The following NKAIN2 variants were observed in gnomAD, a reference collection of about 807,000 sequenced individuals.
NKAIN2 encodes the protein sodium/potassium transporting ATPase interacting 2.
In NKAIN2, 14 loss-of-function variants were observed where a neutral mutation model predicts 32.6. That is an observed-to-expected ratio of 0.43 (90% CI 0.28 to 0.67). NKAIN2 has a LOEUF of 0.67. Ranked by LOEUF, NKAIN2 falls within the 30% of genes least tolerant of loss-of-function variation. NKAIN2 has a pLI of 0.17. For synonymous variants in NKAIN2, 80 were observed against 87.2 expected, an observed-to-expected ratio of 0.92 and a Z score of 0.46; for missense variants, 198 against 258.3, an observed-to-expected ratio of 0.77 and a Z score of 1.60.
At chr6:123,912,468 C>A (rs1582765948) in intron 1 of NKAIN2, among the ~76,000 whole-genome samples, 1 of 152,192 alleles carries the variant, frequency 6.6e-6, no homozygotes. Context: ...ATTTGCTTTA[C>A]TTCAAATTAG....
At chr6:124,109,344 G>A (rs1013575128) in intron 1 of NKAIN2, among the ~76,000 whole-genome samples, 1 of 151,780 alleles carries the variant, frequency 6.6e-6, no homozygotes, top group Non-Finnish European at 1.5e-5. Flanking sequence ...TTTTCAGATA[G>A]TTTTTTGCTA....
intron 1 of NKAIN2, among the ~76,000 whole-genome samples, chr6:123,934,372 A>G (rs1404102905): frequency 6.6e-6 from 1 of 152,080 alleles, no homozygotes; most frequent in African/African-American, 2.4e-5. Flanking sequence ...GAATTATGCT[A>G]TCATTTCTCT....
intron 3 of NKAIN2, among the ~76,000 whole-genome samples, chr6:124,388,159 T>A (rs1772990419): frequency 6.6e-6 from 1 of 151,422 alleles, no homozygotes. Context: ...CTTCCACATT[T>A]TTTAACCTGA....
intron 3 of NKAIN2, among the ~76,000 whole-genome samples, chr6:124,436,800 G>T (rs1257183017): frequency 6.6e-6 from 1 of 152,124 alleles, no homozygotes; most frequent in African/African-American, 2.4e-5. Context: ...TTCTTTGAAA[G>T]TTTAAGCCAG....
intron 1 of NKAIN2, among the ~76,000 whole-genome samples, chr6:124,160,158 T>C (rs973144842): frequency 3.3e-5 from 5 of 152,096 alleles, no homozygotes; most frequent in Admixed American, 1.3e-4. Flanking sequence ...ATCTGTTCAA[T>C]TGGGTGAGGC....
At chr6:123,977,465 T>A (rs1373098061) in intron 1 of NKAIN2, among the ~76,000 whole-genome samples, 1 of 152,158 alleles carries the variant, frequency 6.6e-6, no homozygotes, top group Non-Finnish European at 1.5e-5. Flanking sequence ...AAGGTTTGAT[T>A]AAAATGTAAA....
chr6:124,754,166 C>A (rs1408657260), intron 4 of NKAIN2, among the ~76,000 whole-genome samples: 1 of 151,970 alleles, frequency 6.6e-6, no homozygotes, highest in Non-Finnish European at 1.5e-5. Context: ...GAGACTCTTA[C>A]CTGAGAACCT....
chr6:124,805,358 C>T lies in NKAIN2; in HGVS notation c.536-13029C>T, dbSNP rs555922156. The stretch of plus-strand genomic sequence containing the variant: ...CAAAAAACCACTGTTCTGCAGACAC[C>T]GCTGCTGACACCCAGGCAAACAGGG... On this transcript the variant is annotated intron_variant, in intron 5 of 6. Transcript: ENST00000368417. 3.2e-3 allele frequency among the ~76,000 whole-genome samples: 485 copies of T among 152,280 alleles called. 1 individual carries two copies. Among genetic ancestry groups the T allele is most frequent in the Middle Eastern group, 6.8e-3 (2 of 294 alleles).
Position 124,216,210 on chromosome 6 carries a change from C to T in NKAIN2, c.55-66795C>T, listed in dbSNP as rs1342222762. ...GAATGGGAGTATTTAGAAATATGTG[C>T]GAGGATTTCAAAAAATTAAGGTTTG... On this transcript the variant is annotated intron_variant, in intron 1 of 6. Transcript: ENST00000368417. 4.0e-5 allele frequency among the ~76,000 whole-genome samples: 6 copies of T among 151,388 alleles called. No individual in the cohort carries two copies. In the South Asian group the frequency reaches 6.3e-4, roughly 16 times the overall value.
At chr6:124,418,972 C>T (rs1774624112) in intron 3 of NKAIN2, among the ~76,000 whole-genome samples, 1 of 152,010 alleles carries the variant, frequency 6.6e-6, no homozygotes, top group Non-Finnish European at 1.5e-5. Flanking sequence ...ATATTTTTGG[C>T]CTAAGAAGGG....
At chr6:124,547,598 T>C (rs1780141802) in intron 3 of NKAIN2, among the ~76,000 whole-genome samples, 1 of 152,218 alleles carries the variant, frequency 6.6e-6, no homozygotes, top group Non-Finnish European at 1.5e-5. Flanking sequence ...AAAACTGACA[T>C]TTGAAATCAC....
rs563868383 is a variant in NKAIN2 at position 123,959,052 on chromosome 6, G to A, written c.54+154798G>A. 1.1e-3 allele frequency among the ~76,000 whole-genome samples: 163 copies of A among 152,270 alleles called. 1 individual carries two copies. Among genetic ancestry groups the A allele is most frequent in the African/African-American group, 3.7e-3 (154 of 41,568 alleles). ...CAAGTTATCAGTGTGAGTATTTGGC[G>A]GCTAAGGACCGGGAGAAGATGACAG... is the stretch of plus-strand genomic sequence containing the variant. On this transcript the variant is annotated intron_variant, in intron 1 of 6. Coordinates refer to ENST00000368417, the MANE Select transcript of NKAIN2 (RefSeq NM_001040214.3).
intron 1 of NKAIN2, among the ~76,000 whole-genome samples, chr6:124,188,268 T>C (rs772774905): frequency 6.6e-6 from 1 of 152,188 alleles, no homozygotes; most frequent in Non-Finnish European, 1.5e-5. Context: ...TTGGCTCATC[T>C]GATTATGGGG....
At chr6:123,906,251 A>G (rs1218150163) in intron 1 of NKAIN2, among the ~76,000 whole-genome samples, 1 of 149,732 alleles carries the variant, frequency 6.7e-6, no homozygotes, top group Non-Finnish European at 1.5e-5. Context: ...ATCCACTTTC[A>G]TTAGCACCAC....
chr6:123,979,556 A>T (rs1339853157), intron 1 of NKAIN2, among the ~76,000 whole-genome samples: 1 of 152,154 alleles, frequency 6.6e-6, no homozygotes, highest in East Asian at 1.9e-4. Context: ...ATCCCAGAGA[A>T]GTATCTCTGT....
intron 1 of NKAIN2, among the ~76,000 whole-genome samples, chr6:124,233,397 G>A (rs1051207927): frequency 2.6e-5 from 4 of 152,172 alleles, no homozygotes; most frequent in African/African-American, 9.6e-5. Context: ...TTTCCCACCT[G>A]TGTATCCAGG....
chr6:124,811,956 T>C (rs1023715721), intron 5 of NKAIN2, among the ~76,000 whole-genome samples: 2 of 152,140 alleles, frequency 1.3e-5, no homozygotes, highest in Non-Finnish European at 2.9e-5. Context: ...AGTACAATTT[T>C]TTTTCACCTT....
intron 4 of NKAIN2, among the ~76,000 whole-genome samples, chr6:124,755,400 A>G (rs1405724319): frequency 6.6e-6 from 1 of 152,096 alleles, no homozygotes; most frequent in African/African-American, 2.4e-5. Context: ...TCAAATGTCA[A>G]TCTTGTCTGG....
At chr6:124,460,896 A>G (rs1776505810) in intron 3 of NKAIN2, among the ~76,000 whole-genome samples, 1 of 151,228 alleles carries the variant, frequency 6.6e-6, no homozygotes, top group Admixed American at 6.6e-5. Flanking sequence ...ACTTAACCAC[A>G]CTTATTTCCC....
Sources: allele counts gnomAD v4.1 joint callset (sites outside exome capture counted in the v4.1 genomes callset), GRCh38; gene constraint gnomAD v4.1.1; transcripts MANE v1.5; gene names NCBI Gene and HGNC (gene_info 2026-07-23, HGNC 2026-07-21).